The following UQCC1 variants were observed in gnomAD, a reference collection of about 807,000 sequenced individuals.
The protein encoded by UQCC1 is bFGF-repressed Zic-binding protein.
In UQCC1, 38 loss-of-function variants were observed where a neutral mutation model predicts 48.0. That is an observed-to-expected ratio of 0.79 (90% CI 0.61 to 1.04). The LOEUF (loss-of-function observed/expected upper bound fraction) is 1.04, where lower values mean the gene tolerates loss of function less well. UQCC1 is among the 50% of genes least tolerant of loss of function. UQCC1 has a pLI of 0.00. For synonymous variants in UQCC1, 111 were observed against 129.2 expected (o/e 0.86, Z 0.95); for missense variants, 368 against 381.8 (o/e 0.96, Z 0.30).
chr20:35,363,409 C>A (rs2061630435), intron 6 of UQCC1, among the ~76,000 whole-genome samples: 1 of 152,168 alleles, frequency 6.6e-6, no homozygotes, highest in African/African-American at 2.4e-5. Context: ...TCAGCAAAGA[C>A]AATGAACACA....
chr20:35,390,540 T>C (rs1320141061), intron 2 of UQCC1, among the ~76,000 whole-genome samples: 2 of 151,826 alleles, frequency 1.3e-5, no homozygotes, highest in African/African-American at 4.8e-5. Flanking sequence ...TGCAAAACAA[T>C]GTGAATATGC....
At chr20:35,404,722 CCTGT>C (rs1300009777) in intron 1 of UQCC1, among the ~76,000 whole-genome samples, 1 of 149,364 alleles carries the variant, frequency 6.7e-6, no homozygotes, top group East Asian at 2.0e-4. Context: ...CATTATTCAA[CCTGT>C]CTGACAGTTC....
At chr20:35,320,382 A>G (rs1354153274) in intron 7 of UQCC1, among the ~76,000 whole-genome samples, 1 of 152,234 alleles carries the variant, frequency 6.6e-6, no homozygotes, top group African/African-American at 2.4e-5. Flanking sequence ...ATGTTTGGGA[A>G]AGTTAAAGCT....
At chr20:35,332,548 G>T (rs539760504) in intron 7 of UQCC1, among the ~76,000 whole-genome samples, 1 of 152,350 alleles carries the variant, frequency 6.6e-6, no homozygotes, top group Admixed American at 6.5e-5. Context: ...GCCTGGCTTA[G>T]TGACAGCTCT....
intron 6 of UQCC1, among the ~76,000 whole-genome samples, chr20:35,362,412 C>T (rs1405776025): frequency 1.3e-5 from 2 of 152,118 alleles, no homozygotes; most frequent in South Asian, 2.1e-4. Context: ...GGCCGGAGTG[C>T]GTGGCGCCAT....
chr20:35,323,832 C>T (rs185791612), intron 7 of UQCC1, among the ~76,000 whole-genome samples: 1 of 152,218 alleles, frequency 6.6e-6, no homozygotes, highest in Admixed American at 6.5e-5. Flanking sequence ...CCCATTTCCA[C>T]GAGTTGGCAG....
intron 7 of UQCC1, among the ~76,000 whole-genome samples, chr20:35,323,048 C>T (rs2061149495): frequency 6.6e-6 from 1 of 152,104 alleles, no homozygotes; most frequent in Non-Finnish European, 1.5e-5. Flanking sequence ...GGGGTTTCAC[C>T]GTGTTAGCCA....
At chr20:35,410,043 T>G (rs548934930) in intron 1 of UQCC1, 1 of 151,960 alleles carries the variant, frequency 6.6e-6, no homozygotes, top group Non-Finnish European at 1.5e-5. Flanking sequence ...TGGCCTCAAG[T>G]GATCCACCTA....
chr20:35,392,893 T>C (rs2062029957), intron 2 of UQCC1, among the ~76,000 whole-genome samples: 1 of 151,830 alleles, frequency 6.6e-6, no homozygotes, highest in African/African-American at 2.4e-5. Context: ...TGACTACAGA[T>C]AAAAATCATA....
intron 5 of UQCC1, among the ~76,000 whole-genome samples, chr20:35,367,724 T>C (rs2061685407): frequency 6.6e-6 from 1 of 152,068 alleles, no homozygotes; most frequent in Non-Finnish European, 1.5e-5. Flanking sequence ...CATTTAACTG[T>C]ACTCACGCCT....
chr20:35,399,773 G>A (rs6088821), intron 1 of UQCC1, among the ~76,000 whole-genome samples: 77,862 of 148,954 alleles, frequency 0.52, 21,969 homozygotes, highest in East Asian at 0.71. Context: ...ATGGAGAATC[G>A]CTTGAACTGG....
intron 6 of UQCC1, among the ~76,000 whole-genome samples, chr20:35,363,262 G>A (rs535598529): frequency 1.3e-5 from 2 of 152,258 alleles, no homozygotes; most frequent in East Asian, 1.9e-4. Flanking sequence ...TTTCTGGTGT[G>A]GGCATGATGC....
chr20:35,322,529 T>A (rs1368973083), intron 7 of UQCC1, among the ~76,000 whole-genome samples: 1 of 151,750 alleles, frequency 6.6e-6, no homozygotes, highest in Non-Finnish European at 1.5e-5. Flanking sequence ...AGGTCGGGAG[T>A]TCGAGACCAG....
chr20:35,329,790 A>G (rs1330020250), intron 7 of UQCC1, among the ~76,000 whole-genome samples: 3 of 152,202 alleles, frequency 2.0e-5, no homozygotes, highest in Non-Finnish European at 4.4e-5. Flanking sequence ...GTGGTAGGAC[A>G]TGGAGTGAGA....
At chr20:35,388,653 C>A (rs965582362) in intron 2 of UQCC1, among the ~76,000 whole-genome samples, 1 of 152,166 alleles carries the variant, frequency 6.6e-6, no homozygotes, top group Non-Finnish European at 1.5e-5. Context: ...GATATATACT[C>A]AAAGCTATGT....
At chr20:35,332,031 T>A (rs1331628475) in intron 7 of UQCC1, among the ~76,000 whole-genome samples, 1 of 152,192 alleles carries the variant, frequency 6.6e-6, no homozygotes, top group South Asian at 2.1e-4. Context: ...AAAGCAACAT[T>A]GTGGCAGAGC....
chr20:35,369,366 A>G (rs2061704213), intron 5 of UQCC1, among the ~76,000 whole-genome samples: 1 of 152,274 alleles, frequency 6.6e-6, no homozygotes, highest in African/African-American at 2.4e-5. Context: ...CTTTAGTTCA[A>G]TGAAATGCAT....
Position 35,303,925 on chromosome 20 carries a change from G to A in UQCC1, c.*10C>T, listed in dbSNP as rs1239771438. 4 of 1,614,048 alleles carry A rather than the reference G, an allele frequency of 2.5e-6. No individual in the cohort carries two copies. In the African/African-American group the frequency reaches 5.3e-5, roughly 22 times the overall value. On this transcript the variant is annotated 3_prime_UTR_variant, in exon 10 of 10. Transcript: ENST00000374385. Reference sequence around the variant, plus strand: ...AGCCAGCTGGCGGGCCGTGCGGAGGGCCCAGCCCATCAAAGTCCCTCGTCG... The same window carrying A: ...AGCCAGCTGGCGGGCCGTGCGGAGGACCCAGCCCATCAAAGTCCCTCGTCG...
intron 8 of UQCC1, among the ~76,000 whole-genome samples, chr20:35,309,859 G>C (rs1362718972): frequency 6.6e-6 from 1 of 152,226 alleles, no homozygotes; most frequent in Non-Finnish European, 1.5e-5. Context: ...AATATGGTCT[G>C]AGCTCTCAGG....
Sources: allele counts gnomAD v4.1 joint callset (sites outside exome capture counted in the v4.1 genomes callset), GRCh38; gene constraint gnomAD v4.1.1; transcripts MANE v1.5; gene names NCBI Gene and HGNC (gene_info 2026-07-23, HGNC 2026-07-21).